The following CDCA2 variants were observed in gnomAD, a reference collection of about 807,000 sequenced individuals.
The protein encoded by CDCA2 is cell division cycle-associated protein 2.
Under a neutral mutation model 67.0 loss-of-function variants are expected in CDCA2, and 44 were observed. The observed-to-expected ratio is 0.66, with a 90% CI of 0.52 to 0.84. CDCA2 has a LOEUF of 0.84. Among genes scored for constraint, CDCA2 ranks in the 40% least tolerant of loss-of-function variants. The pLI is 0.00. For synonymous variants in CDCA2, 447 were observed against 418.7 expected (o/e 1.07, Z -0.82); for missense variants, 1,253 against 1,203.2 (o/e 1.04, Z -0.61).
chr8:25,496,870 A>G lies in CDCA2; in HGVS notation c.1672-6503A>G, dbSNP rs148934795. On this transcript the variant is annotated intron_variant, in intron 13 of 14. Transcript: ENST00000330560. ...TAAAAATATAGAACTGAATCTCTAA[A>G]CAAAATGTTTTATTTGGGAAAACGT... is the stretch of plus-strand genomic sequence containing the variant. Among the ~76,000 whole-genome samples, 109 of 152,350 alleles carry G rather than the reference A, an allele frequency of 7.2e-4. 1 individual carries two copies. The highest frequency in any genetic ancestry group is 2.5e-3 in the African/African-American group (106 of 41,592).
chr8:25,505,756 A>G (rs1026864398), intron 14 of CDCA2, among the ~76,000 whole-genome samples: 6 of 152,198 alleles, frequency 3.9e-5, no homozygotes, highest in Non-Finnish European at 8.8e-5. Context: ...TGAGGTATCA[A>G]AAAAGATTGC....
rs368464192 is a variant in CDCA2, at chr8:25,460,265, C to A, written c.26C>A (p.Pro9His). 12 of 1,614,128 alleles carry A rather than the reference C, an allele frequency of 7.4e-6. No individual in the cohort carries two copies. Among genetic ancestry groups the A allele is most frequent in the Non-Finnish European group, 1.0e-5 (12 of 1,180,010 alleles). The part of the protein sequence containing the change: MDANSKDK[P>H]PETKESAMNN... Reference sequence around the variant, plus strand: ...ATGGATGCCAATTCAAAAGACAAGCCCCCTGAAACCAAGGAGTCTGCAATG... The same window carrying A: ...ATGGATGCCAATTCAAAAGACAAGCACCCTGAAACCAAGGAGTCTGCAATG... Residue 9 changes from proline to histidine, a missense_variant, in exon 2 of 15, where the codon CCC (proline) becomes CAC (histidine). Physicochemically the swap from Pro to His is moderately conservative, Grantham distance 77. Transcript: ENST00000330560.
intron 7 of CDCA2, chr8:25,472,246 A>C (rs1047484704): frequency 2.8e-5 from 4 of 144,212 alleles, no homozygotes; most frequent in Admixed American, 7.2e-5. Flanking sequence ...TTTCTTTTTT[A>C]TTTTTTATTT....
intron 14 of CDCA2, among the ~76,000 whole-genome samples, chr8:25,505,645 T>G (rs1385343657): frequency 2.0e-5 from 3 of 149,848 alleles, no homozygotes; most frequent in African/African-American, 7.3e-5. Context: ...GGAAACATTG[T>G]TTTTTTAGAC....
intron 3 of CDCA2, 76 bp from the exon 4 acceptor site, chr8:25,461,976 TGG>T: frequency 7.3e-7 from 1 of 1,371,472 alleles, no homozygotes. Context: ...TCTCTCAGGC[TGG>T]TACATCACGA....
chr8:25,480,644 A>G (rs1483640074), intron 8 of CDCA2, among the ~76,000 whole-genome samples: 1 of 152,206 alleles, frequency 6.6e-6, no homozygotes, highest in Non-Finnish European at 1.5e-5. Context: ...GCATATATAT[A>G]TAACAGTAGT....
intron 9 of CDCA2, 46 bp from the exon 10 acceptor site, chr8:25,483,920 A>C: frequency 6.5e-7 from 1 of 1,535,052 alleles, no homozygotes; most frequent in Non-Finnish European, 8.9e-7. Context: ...TAGATAAGAA[A>C]TATAGCTTAA....
chr8:25,499,235 G>C (rs1563283077), intron 13 of CDCA2, among the ~76,000 whole-genome samples: 1 of 151,704 alleles, frequency 6.6e-6, no homozygotes. Flanking sequence ...GGGCAGGCAA[G>C]TGTGTGCTTG....
intron 5 of CDCA2, among the ~76,000 whole-genome samples, chr8:25,467,625 C>T (rs68162965): frequency 0.35 from 53,248 of 151,956 alleles, 9,352 homozygotes; most frequent in South Asian, 0.37. Flanking sequence ...CCATATTAGA[C>T]ATGCAAAAGT....
Position 25,507,184 on chromosome 8 carries a change from C to T in CDCA2, c.2518C>T (p.Arg840Ter). 6.2e-7 allele frequency: 1 copy of T among 1,614,074 alleles called. No individual in the cohort carries two copies. The change falls in exon 15 of 15, where the codon CGA becomes TGA. Residue 840 changes from arginine (R) to a stop codon, truncating the protein, a stop_gained. Coordinates refer to ENST00000330560, the MANE Select transcript of CDCA2 (RefSeq NM_152562.4). LOFTEE classifies it low-confidence loss of function (END_TRUNC). Reference sequence around the variant, plus strand: ...ACGTTCCATGTGTTATTCTGATGGTCGAAGTTTACATTTGGAAAAAAATGG... The same window carrying T: ...ACGTTCCATGTGTTATTCTGATGGTTGAAGTTTACATTTGGAAAAAAATGG... Reference protein sequence around the residue: ...RRRSMCYSDGRSLHLEKNGNH... With the variant: ...RRRSMCYSDG
rs766871081 is a variant in CDCA2 at position 25,462,193 on chromosome 8, A to G, written c.372A>G (p.Gln124=). ...IKNARKSPLA[Q]DSPSQGSPAL... is the part of the protein sequence containing the mutation. The stretch of plus-strand genomic sequence containing the variant: ...ATGCTAGGAAATCTCCTTTGGCACA[A>G]GATTCTCCTTCCCAGGTATGATTTT... Residue 124 remains glutamine (Q), a synonymous_variant, in exon 4 of 15, where the codon CAA becomes CAG. Coordinates refer to ENST00000330560, the MANE Select transcript of CDCA2 (RefSeq NM_152562.4). The G allele has an allele frequency of 3.7e-6, 6 of 1,614,126 alleles. No individual in the cohort carries two copies. Among genetic ancestry groups the G allele is most frequent in the Non-Finnish European group, 8.5e-7 (1 of 1,179,966 alleles).
chr8:25,464,631 T>A (rs559114064), intron 4 of CDCA2, among the ~76,000 whole-genome samples: 60 of 152,328 alleles, frequency 3.9e-4, no homozygotes, highest in South Asian at 2.7e-3. Flanking sequence ...AAACTTAAAA[T>A]TTTTTTAAGC....
chr8:25,506,372 A>C, intron 14 of CDCA2, 138 bp from the exon 15 acceptor site: 1 of 695,546 alleles, frequency 1.4e-6, no homozygotes, highest in Non-Finnish European at 2.3e-6. Context: ...CAGAAGGGCA[A>C]GCACAGTGTA....
At chr8:25,505,468 T>C (rs990101608) in intron 14 of CDCA2, among the ~76,000 whole-genome samples, 2 of 152,220 alleles carry the variant, frequency 1.3e-5, no homozygotes, top group Non-Finnish European at 2.9e-5. Context: ...CCCAAAGTGC[T>C]GGGATTACAG....
At chr8:25,470,107 T>A in intron 7 of CDCA2, 127 bp downstream of exon 7, 1 of 576,698 alleles carries the variant, frequency 1.7e-6, no homozygotes, top group Non-Finnish European at 3.1e-6. Context: ...CATGGCCTAG[T>A]AGAAATGCTT....
rs1563273941 is a variant in CDCA2, at chr8:25,485,837, GGTA to G, written c.1444+4_1444+6del. 1 of 1,548,052 alleles carries G rather than the reference GGTA, an allele frequency of 6.5e-7. No individual in the cohort carries two copies. The highest frequency in any genetic ancestry group is 1.8e-5 in the Admixed American group (1 of 56,942). On this transcript the variant is annotated splice_donor_variant and splice_donor_region_variant and intron_variant, in intron 11 of 14. Transcript: ENST00000330560. LOFTEE classifies it high-confidence loss of function. ...ATCATCAATCTCTGAGACCCTTTCA[GGTA>G]GTAACTTGTTTATCTTAAAATCATA...
chr8:25,466,504 GA>G (rs921041722), intron 5 of CDCA2, among the ~76,000 whole-genome samples, 179 bp downstream of exon 5: 9 of 150,948 alleles, frequency 6.0e-5, no homozygotes, highest in Non-Finnish European at 8.9e-5. Context: ...GTTTCTCTTA[GA>G]AAAAAAAACC....
chr8:25,472,109 G>A (rs1803177414), intron 7 of CDCA2: 1 of 152,176 alleles, frequency 6.6e-6, no homozygotes, highest in South Asian at 2.1e-4. Context: ...TTTTACCTAT[G>A]TAGCCGGAAA....
At chr8:25,475,930 A>G (rs964332334) in intron 7 of CDCA2, among the ~76,000 whole-genome samples, 1 of 152,208 alleles carries the variant, frequency 6.6e-6, no homozygotes, top group Admixed American at 6.5e-5. Context: ...CCTGCGAAGT[A>G]TCCCAGAATG....
Sources: gnomAD v4.1 joint callset for allele counts (sites outside exome capture counted in the v4.1 genomes callset) on GRCh38, gnomAD v4.1.1 for gene constraint, MANE v1.5 for transcripts, NCBI Gene and HGNC (gene_info 2026-07-23, HGNC 2026-07-21) for gene names.